IRAK1BP1: variants seen among roughly 807,000 people sequenced by gnomAD.
IRAK1BP1 encodes the protein interleukin 1 receptor associated kinase 1 binding protein 1.
IRAK1BP1 carries 24 observed loss-of-function variants against 28.0 expected under a neutral mutation model. The ratio of observed to expected loss-of-function variants is 0.86; its 90% CI spans 0.62 to 1.20. IRAK1BP1 has a LOEUF of 1.20. IRAK1BP1 is among the 50% of genes most tolerant of loss of function. The probability of loss-of-function intolerance (pLI) is 0.00; values close to 1 mark genes in which losing one functional copy is unlikely to be tolerated. For missense variants in IRAK1BP1, 336 were observed against 316.7 expected, an observed-to-expected ratio of 1.06 and a Z score of -0.46; for synonymous variants, 131 against 116.3, an observed-to-expected ratio of 1.13 and a Z score of -0.81.
the IRAK1BP1 span, among the ~76,000 whole-genome samples, chr6:78,964,578 C>T: frequency 7.2e-5 from 11 of 152,230 alleles, no homozygotes; most frequent in Non-Finnish European, 1.5e-4. Context: ...CTGCCACCTC[C>T]GCCTCCCAGG....
intron 4 of IRAK1BP1, chr6:78,945,262 G>T (rs936610248): frequency 7.3e-6 from 10 of 1,365,164 alleles, no homozygotes; most frequent in Non-Finnish European, 1.0e-5. Context: ...TTATAATAAG[G>T]ATCTACTGTA....
At chr6:78,978,682 AT>A in the IRAK1BP1 span, 1 of 1,594,964 alleles carries the variant, frequency 6.3e-7, no homozygotes, top group Non-Finnish European at 8.6e-7. Flanking sequence ...ATGTCAAACC[AT>A]TTTCAGTTAG....
chr6:78,960,207 C>A, the IRAK1BP1 span, among the ~76,000 whole-genome samples: 2 of 152,144 alleles, frequency 1.3e-5, no homozygotes, highest in African/African-American at 4.8e-5. Context: ...GTAAGTCAAA[C>A]CTTATGTATA....
intron 1 of IRAK1BP1, chr6:78,872,280 G>A (rs951923029): frequency 1.7e-5 from 8 of 482,142 alleles, no homozygotes; most frequent in African/African-American, 1.6e-4. Flanking sequence ...GTGTTTTTTG[G>A]GATCACCTTC....
chr6:78,907,165 C>T (rs1772282877), downstream of IRAK1BP1, among the ~76,000 whole-genome samples: 2 of 152,168 alleles, frequency 1.3e-5, no homozygotes, highest in African/African-American at 2.4e-5. Context: ...AGGTTACTAA[C>T]TTTGCTGTGC....
At chr6:78,932,456 T>C (rs1239297742) in intron 4 of IRAK1BP1, among the ~76,000 whole-genome samples, 3 of 149,468 alleles carry the variant, frequency 2.0e-5, no homozygotes, top group African/African-American at 7.4e-5. Flanking sequence ...AGTTTCGCTG[T>C]TGTTGCCCAG....
At chr6:78,975,014 C>G in the IRAK1BP1 span, among the ~76,000 whole-genome samples, 39,748 of 151,042 alleles carry the variant, frequency 0.26, 5,565 homozygotes, top group Non-Finnish European at 0.31. Flanking sequence ...TCCCCCCTAA[C>G]TCATTTTATG....
chr6:78,969,339 A>G, the IRAK1BP1 span, among the ~76,000 whole-genome samples: 3 of 152,106 alleles, frequency 2.0e-5, no homozygotes, highest in African/African-American at 7.2e-5. Flanking sequence ...TAAGAGAACT[A>G]CTCTCATAAG....
the IRAK1BP1 span, among the ~76,000 whole-genome samples, chr6:78,978,053 T>C: frequency 1.3e-5 from 2 of 152,118 alleles, no homozygotes; most frequent in African/African-American, 4.8e-5. Context: ...GACCAGTTCT[T>C]ACATTTTCAT....
chr6:78,894,659 TAGAC>T (rs1771814959), intron 2 of IRAK1BP1, among the ~76,000 whole-genome samples: 1 of 152,142 alleles, frequency 6.6e-6, no homozygotes, highest in African/African-American at 2.4e-5. Flanking sequence ...GATAAGACCA[TAGAC>T]AGAAAATCAG....
intron 4 of IRAK1BP1, among the ~76,000 whole-genome samples, chr6:78,922,054 A>G (rs1772749335): frequency 6.6e-6 from 1 of 152,252 alleles, no homozygotes; most frequent in African/African-American, 2.4e-5. Flanking sequence ...TTCATCAGCA[A>G]TGGAACAAAG....
At chr6:78,967,963 T>C in the IRAK1BP1 span, among the ~76,000 whole-genome samples, 855 of 151,750 alleles carry the variant, frequency 5.6e-3, 13 homozygotes, top group African/African-American at 0.02. Flanking sequence ...TGAAACCCTG[T>C]CTCTACTAAA....
At chr6:78,972,238 TA>T in the IRAK1BP1 span, among the ~76,000 whole-genome samples, 1 of 152,154 alleles carries the variant, frequency 6.6e-6, no homozygotes, top group Non-Finnish European at 1.5e-5. Flanking sequence ...CTGAGCAGCC[TA>T]ACTGGGAGGC....
downstream of IRAK1BP1, among the ~76,000 whole-genome samples, chr6:78,949,414 C>T (rs762389975): frequency 3.3e-5 from 5 of 152,260 alleles, no homozygotes; most frequent in Non-Finnish European, 5.9e-5. Context: ...CTCACTCTCA[C>T]ACACTAAGCC....
the IRAK1BP1 span, among the ~76,000 whole-genome samples, chr6:78,961,519 C>T: frequency 6.6e-6 from 1 of 152,014 alleles, no homozygotes; most frequent in African/African-American, 2.4e-5. Context: ...AATGCAGAAT[C>T]TCAGGTCCCA....
intron 4 of IRAK1BP1, among the ~76,000 whole-genome samples, chr6:78,927,177 A>T (rs1256188156): frequency 6.6e-6 from 1 of 152,148 alleles, no homozygotes; most frequent in East Asian, 1.9e-4. Flanking sequence ...AGTGTATGTG[A>T]TTTCCTTTTC....
At chr6:78,922,946 T>A (rs1041223961) in intron 4 of IRAK1BP1, among the ~76,000 whole-genome samples, 13 of 151,900 alleles carry the variant, frequency 8.6e-5, no homozygotes, top group Admixed American at 7.2e-4. Flanking sequence ...AAAGGAACAA[T>A]CGGTACCAGC....
chr6:78,973,004 T>G, the IRAK1BP1 span, among the ~76,000 whole-genome samples: 5 of 152,034 alleles, frequency 3.3e-5, no homozygotes, highest in African/African-American at 1.2e-4. Flanking sequence ...AGGCCAACGT[T>G]GAGATTCAGG....
exon 5 of IRAK1BP1, chr6:78,945,752 G>A: frequency 1.7e-6 from 1 of 597,824 alleles, no homozygotes; most frequent in South Asian, 2.2e-5. Context: ...AGCTAGTGTG[G>A]GTACTGTGAT....
Sources: gnomAD v4.1 joint callset for allele counts (sites outside exome capture counted in the v4.1 genomes callset) on GRCh38, gnomAD v4.1.1 for gene constraint, MANE v1.5 for transcripts, NCBI Gene and HGNC (gene_info 2026-07-23, HGNC 2026-07-21) for gene names.